Variants in DNER observed in about 807,000 individuals in gnomAD.
DNER encodes the protein delta and Notch-like epidermal growth factor-related receptor.
DNER carries 33 observed loss-of-function variants against 78.2 expected under a neutral mutation model. The ratio of observed to expected loss-of-function variants is 0.42; its 90% CI spans 0.32 to 0.56. The LOEUF (loss-of-function observed/expected upper bound fraction) is 0.56, where lower values mean the gene tolerates loss of function less well. Ranked by LOEUF, DNER falls within the 20% of genes least tolerant of loss-of-function variation. The pLI, the probability that DNER is intolerant of heterozygous loss-of-function variation, is 0.11. For missense variants in DNER, 918 were observed against 975.3 expected, an observed-to-expected ratio of 0.94 and a Z score of 0.78; for synonymous variants, 417 against 384.8, an observed-to-expected ratio of 1.08 and a Z score of -0.98.
intron 1 of DNER, among the ~76,000 whole-genome samples, chr2:229,620,879 G>A (rs367660835): frequency 1.3e-5 from 2 of 152,198 alleles, no homozygotes; most frequent in Admixed American, 6.5e-5. Flanking sequence ...ATGCCAGGAG[G>A]AGAGGCCGTA....
intron 11 of DNER, among the ~76,000 whole-genome samples, chr2:229,371,287 T>C (rs556987717): frequency 2.6e-4 from 39 of 152,244 alleles, no homozygotes; most frequent in Non-Finnish European, 5.1e-4. Flanking sequence ...TCAGTCCAGA[T>C]GCTATCCTCA....
At position 229,515,534 on chromosome 2, in the gene DNER, G is replaced by T. The variant is rs758317077; in HGVS notation, c.994-2598C>A. Reference sequence around the variant, plus strand: ...GGATAAATTTGCTTGGTTATTTGACGGATACATTTAGCATGTAATTCATCT... The same window carrying T: ...GGATAAATTTGCTTGGTTATTTGACTGATACATTTAGCATGTAATTCATCT... On this transcript the variant is annotated intron_variant, in intron 5 of 12. Coordinates refer to ENST00000341772, the MANE Select transcript of DNER (RefSeq NM_139072.4). Among the ~76,000 whole-genome samples, 3 of 151,944 alleles carry T rather than the reference G, an allele frequency of 2.0e-5. No individual in the cohort carries two copies. In the East Asian group the frequency reaches 5.8e-4, roughly 29 times the overall value.
At chr2:229,529,356 C>T (rs879382285) in intron 5 of DNER, among the ~76,000 whole-genome samples, 11 of 152,188 alleles carry the variant, frequency 7.2e-5, no homozygotes, top group Non-Finnish European at 1.6e-4. Flanking sequence ...CCCTTGATCT[C>T]CTCCAACTCC....
At chr2:229,531,273 G>A (rs930750816) in intron 5 of DNER, among the ~76,000 whole-genome samples, 1 of 152,142 alleles carries the variant, frequency 6.6e-6, no homozygotes, top group African/African-American at 2.4e-5. Flanking sequence ...ACGAAGTGAC[G>A]TGCACCATTG....
chr2:229,665,635 AG>A (rs1359135268), intron 1 of DNER, among the ~76,000 whole-genome samples: 2 of 152,248 alleles, frequency 1.3e-5, no homozygotes, highest in Non-Finnish European at 2.9e-5. Context: ...CCAAATTGTC[AG>A]TATTTAATGT....
At chr2:229,518,625 A>G (rs1251989312) in intron 5 of DNER, among the ~76,000 whole-genome samples, 2 of 152,240 alleles carry the variant, frequency 1.3e-5, no homozygotes, top group African/African-American at 4.8e-5. Flanking sequence ...TTACACCTAA[A>G]TCGAGTCCAA....
At chr2:229,661,007 T>C (rs1699001332) in intron 1 of DNER, among the ~76,000 whole-genome samples, 1 of 152,182 alleles carries the variant, frequency 6.6e-6, no homozygotes, top group Non-Finnish European at 1.5e-5. Context: ...CCTAATTACA[T>C]TGTTTATTGT....
chr2:229,623,175 T>C (rs1314984268), intron 1 of DNER, among the ~76,000 whole-genome samples: 1 of 152,152 alleles, frequency 6.6e-6, no homozygotes, highest in Middle Eastern at 3.2e-3. Flanking sequence ...TCCCCTCCTC[T>C]AATTGTAAAA....
In DNER at chr2:229,393,828, C is replaced by CA. The variant is rs1201290705; in HGVS notation, c.1724-5433dup. Among the ~76,000 whole-genome samples the CA allele has an allele frequency of 3.4e-4, 52 of 152,190 alleles. 1 individual carries two copies. The highest frequency in any genetic ancestry group is 1.2e-3 in the African/African-American group (48 of 41,488). On this transcript the variant is annotated intron_variant, in intron 10 of 12. Transcript: ENST00000341772. ...TGCCACTGCACTCCAGCCTGGGCAA[C>CA]AGAGCGAGACTCCGTCTCAAAACAA... is the stretch of plus-strand genomic sequence containing the variant.
intron 4 of DNER, among the ~76,000 whole-genome samples, chr2:229,571,995 C>T (rs1261503649): frequency 6.6e-6 from 1 of 152,166 alleles, no homozygotes; most frequent in Non-Finnish European, 1.5e-5. Flanking sequence ...TCACCACTGC[C>T]TACAAGCTAA....
intron 7 of DNER, among the ~76,000 whole-genome samples, chr2:229,467,567 A>G (rs1256840228): frequency 6.6e-6 from 1 of 152,190 alleles, no homozygotes; most frequent in Non-Finnish European, 1.5e-5. Flanking sequence ...ACTGTATCAC[A>G]TGATATTTTG....
intron 2 of DNER, among the ~76,000 whole-genome samples, chr2:229,589,241 A>G (rs529259038): frequency 1.3e-5 from 2 of 152,326 alleles, no homozygotes; most frequent in South Asian, 4.1e-4. Context: ...ATGAAGCAGT[A>G]TTAAAAGTAT....
chr2:229,431,023 G>GT (rs1693992444), intron 8 of DNER, among the ~76,000 whole-genome samples: 1 of 152,060 alleles, frequency 6.6e-6, no homozygotes, highest in Non-Finnish European at 1.5e-5. Flanking sequence ...TAAAGAAATT[G>GT]TTTTTTAAAA....
chr2:229,579,032 G>A (rs1436361659), intron 4 of DNER, among the ~76,000 whole-genome samples: 1 of 152,180 alleles, frequency 6.6e-6, no homozygotes, highest in Non-Finnish European at 1.5e-5. Flanking sequence ...TCTGTTACAT[G>A]CTTGTTGAAA....
At chr2:229,597,953 C>T (rs1409292487) in intron 1 of DNER, among the ~76,000 whole-genome samples, 2 of 152,192 alleles carry the variant, frequency 1.3e-5, no homozygotes, top group Non-Finnish European at 2.9e-5. Context: ...TCTCCTGGGA[C>T]TTGTGATTCA....
At chr2:229,486,364 C>CA (rs35357754) in intron 6 of DNER, among the ~76,000 whole-genome samples, 4,570 of 143,822 alleles carry the variant, frequency 0.032, 104 homozygotes, top group Middle Eastern at 0.057. Context: ...TTGGAATATG[C>CA]AAAAAAAAAA....
chr2:229,407,225 C>A lies in DNER; in HGVS notation c.1723+7G>T, dbSNP rs1364987340. ...AATTTGAAAACTCAGTCCCTGGAAT[C>A]ACTTGCCTGTAAACCCGGGTGCACA... On this transcript the variant is annotated splice_region_variant and intron_variant, in intron 10 of 12. Coordinates refer to ENST00000341772, the MANE Select transcript of DNER (RefSeq NM_139072.4). 13 of 1,597,932 alleles carry A rather than the reference C, an allele frequency of 8.1e-6. No homozygotes were observed. Among genetic ancestry groups the A allele is most frequent in the Non-Finnish European group, 1.1e-5 (13 of 1,167,148 alleles).
chr2:229,685,128 A>G (rs7589153), intron 1 of DNER, among the ~76,000 whole-genome samples: 65,663 of 152,026 alleles, frequency 0.43, 15,730 homozygotes, highest in Non-Finnish European at 0.56. Flanking sequence ...AGTTTAGAGG[A>G]CTCTGATCTT....
chr2:229,398,464 C>T (rs190559451), intron 10 of DNER, among the ~76,000 whole-genome samples: 5 of 152,110 alleles, frequency 3.3e-5, no homozygotes, highest in Admixed American at 1.3e-4. Context: ...TTGCAGAAAA[C>T]GGAATACAAA....
Sources: allele counts gnomAD v4.1 joint callset (sites outside exome capture counted in the v4.1 genomes callset), GRCh38; gene constraint gnomAD v4.1.1; transcripts MANE v1.5; gene names NCBI Gene and HGNC (gene_info 2026-07-23, HGNC 2026-07-21).